Variants in ITPRID2 observed in about 807,000 individuals in gnomAD.
The protein encoded by ITPRID2 is ITPR interacting domain containing 2.
Under a neutral mutation model 124.3 loss-of-function variants are expected in ITPRID2, and 60 were observed. The observed-to-expected ratio is 0.48, with a 90% CI of 0.39 to 0.60. The LOEUF (loss-of-function observed/expected upper bound fraction) is 0.60. ITPRID2 is among the 20% of genes least tolerant of loss of function. The pLI is 0.00. For missense variants in ITPRID2, 1,553 were observed against 1,512.2 expected, an observed-to-expected ratio of 1.03 and a Z score of -0.45; for synonymous variants, 521 against 542.9, an observed-to-expected ratio of 0.96 and a Z score of 0.56.
intron 11 of ITPRID2, 112 bp downstream of exon 11, chr2:181,916,539 C>G (rs938809275): frequency 7.6e-7 from 1 of 1,317,980 alleles, no homozygotes; most frequent in Non-Finnish European, 1.0e-6. Context: ...GCTTTATTTT[C>G]TGACATGTCT....
In ITPRID2 at chr2:181,910,531, G is replaced by GCAA. The variant is rs780786298; in HGVS notation, c.1486+576_1486+578dup. 3.7e-5 allele frequency: 24 copies of GCAA among 654,368 alleles called. No homozygotes were observed. The highest frequency in any genetic ancestry group is 1.1e-4 in the Admixed American group (4 of 36,390). The allele number at this position is 654,368 out of a possible 1,614,324, so 40.5% of individuals were successfully genotyped here. ...AATCCATCCCTTTCACTTTTAACTTGCAACAACAACAACAACAAAAATGTG... is the reference window on the plus strand; with the variant it reads ...AATCCATCCCTTTCACTTTTAACTTGCAACAACAACAACAACAACAAAAATGTG... On this transcript the variant is annotated intron_variant, in intron 9 of 17. Coordinates refer to ENST00000431877, the MANE Select transcript of ITPRID2 (RefSeq NM_001130445.3). The surrounding 1 kb of genome is among the most constrained non-coding windows in gnomAD (Gnocchi z 4.1).
rs554803952 is a variant in ITPRID2, at chr2:181,929,331, A to G, written c.*14-230A>G. ...AAGTATAATATACAATTTCAGATAT[A>G]GGAAATTGGAAAGTATTTTAATAAA... On this transcript the variant is annotated intron_variant, in intron 17 of 17. Coordinates refer to ENST00000431877, the MANE Select transcript of ITPRID2 (RefSeq NM_001130445.3). 8.5e-5 allele frequency among the ~76,000 whole-genome samples: 13 copies of G among 152,244 alleles called. No individual in the cohort carries two copies. The South Asian group carries it at 2.7e-3, about 32-fold the overall frequency.
At position 181,910,633 on chromosome 2, in the gene ITPRID2, G is replaced by A; in HGVS notation, c.1486+662G>A. 1 of 693,544 alleles carries A rather than the reference G, an allele frequency of 1.4e-6. No homozygotes were observed. The highest frequency in any genetic ancestry group is 2.7e-6 in the Non-Finnish European group (1 of 375,596). The allele number at this position is 693,544 out of a possible 1,614,324, so 43.0% of individuals were successfully genotyped here. A position where few individuals can be genotyped will look rare whatever the true frequency, so the allele number is the denominator to read the frequency against. ...GAAGTGAAAATGACCACTGAAGGTA[G>A]GACTGTTTATTTTTGAAACTTTACA... On this transcript the variant is annotated intron_variant, in intron 9 of 17. Coordinates refer to ENST00000431877, the MANE Select transcript of ITPRID2 (RefSeq NM_001130445.3). The surrounding 1 kb of genome is among the most constrained non-coding windows in gnomAD (Gnocchi z 4.1).
chr2:181,928,627 T>TC (rs1241631010), intron 17 of ITPRID2, among the ~76,000 whole-genome samples: 1 of 151,578 alleles, frequency 6.6e-6, no homozygotes, highest in Non-Finnish European at 1.5e-5. Context: ...AATCACAACT[T>TC]CCTTTTTTTT....
At chr2:181,911,234 G>GTAAGC (rs1160315640) in intron 9 of ITPRID2, among the ~76,000 whole-genome samples, 1 of 152,164 alleles carries the variant, frequency 6.6e-6, no homozygotes, top group African/African-American at 2.4e-5. Flanking sequence ...TATATCCTAT[G>GTAAGC]TAAGTATCTT....
Position 181,929,504 on chromosome 2 carries a change from C to G in ITPRID2, c.*14-57C>G, listed in dbSNP as rs953686257. Reference sequence around the variant, plus strand: ...AAATTCTCATCTTCCTTTAAAGAAGCTTTTAATAACAGTATTTGAAAGAGG... The same window carrying G: ...AAATTCTCATCTTCCTTTAAAGAAGGTTTTAATAACAGTATTTGAAAGAGG... On this transcript the variant is annotated intron_variant, in intron 17 of 17. Coordinates refer to ENST00000431877, the MANE Select transcript of ITPRID2 (RefSeq NM_001130445.3). 11 of 1,197,448 alleles carry G rather than the reference C, an allele frequency of 9.2e-6. No homozygotes were observed. The South Asian group carries it at 1.4e-4, about 15-fold the overall frequency. The allele number at this position is 1,197,448 out of a possible 1,614,324, so 74.2% of individuals were successfully genotyped here.
chr2:181,925,865 A>G (rs1473410191), intron 16 of ITPRID2, among the ~76,000 whole-genome samples: 1 of 152,252 alleles, frequency 6.6e-6, no homozygotes. Flanking sequence ...TTGTTGTGAC[A>G]TACCATGTAA....
intron 5 of ITPRID2, 41 bp downstream of exon 5, chr2:181,898,960 A>C (rs1375517753): frequency 3.1e-6 from 5 of 1,594,614 alleles, no homozygotes; most frequent in South Asian, 1.1e-5. Context: ...AAAAATGAAG[A>C]CCTTTAATGA....
chr2:181,902,076 A>G lies in ITPRID2; in HGVS notation c.1023A>G (p.Gln341=), dbSNP rs1008428812. ...VIEESGNKND[Q]KSQKIMKKKE... is the part of the protein sequence containing the mutation. ...AAGAAAGTGGCAATAAAAACGATCAAAAGTCTCAAAAAATTATGAAGAAGA... is the reference window on the plus strand; with the variant it reads ...AAGAAAGTGGCAATAAAAACGATCAGAAGTCTCAAAAAATTATGAAGAAGA... The change falls in exon 8 of 18, where the codon CAA becomes CAG. Residue 341 remains glutamine (Q), a synonymous_variant. Coordinates refer to ENST00000431877, the MANE Select transcript of ITPRID2 (RefSeq NM_001130445.3). This position sits in a 1 kb window ranked among gnomAD's most constrained non-coding sequence, Gnocchi z 4.4. The G allele has an allele frequency of 1.2e-6, 2 of 1,610,886 alleles. No homozygotes were observed. Among genetic ancestry groups the G allele is most frequent in the South Asian group, 1.1e-5 (1 of 90,140 alleles).
At position 181,892,490 on chromosome 2, in the gene ITPRID2, C is replaced by A; in HGVS notation, c.212-125C>A. 1 of 1,293,496 alleles carries A rather than the reference C, an allele frequency of 7.7e-7. No homozygotes were observed. The highest frequency in any genetic ancestry group is 1.1e-6 in the Non-Finnish European group (1 of 902,200). 80.1% of individuals were successfully genotyped at this position (1,293,496 alleles called of 1,614,324 possible). ...GCCATCCGATTTCCCTGCCAAGGGACACTGAGACGTGTCGCTTAGGCTGCA... is the reference window on the plus strand; with the variant it reads ...GCCATCCGATTTCCCTGCCAAGGGAAACTGAGACGTGTCGCTTAGGCTGCA... On this transcript the variant is annotated intron_variant, in intron 1 of 17. Transcript: ENST00000431877. This position sits in a 1 kb window ranked among gnomAD's most constrained non-coding sequence, Gnocchi z 5.2.
At chr2:181,918,410 C>T in intron 11 of ITPRID2, 188 bp from the exon 12 acceptor site, 1 of 1,371,924 alleles carries the variant, frequency 7.3e-7, no homozygotes, top group South Asian at 2.0e-5. Context: ...ATACCTGGAA[C>T]AGCTAGCAGT....
In ITPRID2 at chr2:181,915,444, A is replaced by G; in HGVS notation, c.1804A>G (p.Ile602Val). 1.2e-6 allele frequency: 2 copies of G among 1,614,154 alleles called. No homozygotes were observed. Among genetic ancestry groups the G allele is most frequent in the Non-Finnish European group, 1.7e-6 (2 of 1,180,026 alleles). Residue 602 changes from isoleucine (I) to valine (V), a missense_variant, in exon 11 of 18, where the codon ATT (isoleucine) becomes GTT (valine). Physicochemically the swap from Ile to Val is conservative, Grantham distance 29 (BLOSUM62 3). Transcript: ENST00000431877. ...GSQDFPQCNT[I>V]ENTGTKQSTC... ...CCAGGATTTCCCTCAGTGCAACACCATTGAGAATACAGGAACTAAACAGTC... is the reference window on the plus strand; with the variant it reads ...CCAGGATTTCCCTCAGTGCAACACCGTTGAGAATACAGGAACTAAACAGTC...
At chr2:181,927,740 C>G (rs1268207534) in intron 16 of ITPRID2, among the ~76,000 whole-genome samples, 1 of 152,174 alleles carries the variant, frequency 6.6e-6, no homozygotes, top group African/African-American at 2.4e-5. Context: ...TACCTGTATA[C>G]TATTTTGCCT....
rs751930387 is a variant in ITPRID2 at position 181,916,074 on chromosome 2, G to GC, written c.2440dup (p.Gln814ProfsTer3). 6 of 1,614,128 alleles carry GC rather than the reference G, an allele frequency of 3.7e-6. No homozygotes were observed. Among genetic ancestry groups the GC allele is most frequent in the South Asian group, 1.1e-5 (1 of 91,072 alleles). On this transcript the variant is annotated frameshift_variant, in exon 11 of 18. Transcript: ENST00000431877. LOFTEE classifies it high-confidence loss of function. ...TCCATCATCTGTGAAGAAAGAAGAA[G>GC]CCCCCCAGAGTGAGGCGCCGCGGGT...
At position 181,929,134 on chromosome 2, in the gene ITPRID2, G is replaced by A. The variant is rs1314254020; in HGVS notation, c.*14-427G>A. ...GATGGGGTCTTGCTATGTTGCCCAC[G>A]CTAGTCTTAAACTCCTAGCCTCAAG... On this transcript the variant is annotated intron_variant, in intron 17 of 17. Coordinates refer to ENST00000431877, the MANE Select transcript of ITPRID2 (RefSeq NM_001130445.3). Among the ~76,000 whole-genome samples, 8 of 151,324 alleles carry A rather than the reference G, an allele frequency of 5.3e-5. No homozygotes were observed. In the East Asian group the frequency reaches 7.7e-4, roughly 15 times the overall value.
intron 7 of ITPRID2, 37 bp from the exon 8 acceptor site, chr2:181,901,729 A>C (rs945843747): frequency 5.8e-6 from 8 of 1,382,900 alleles, no homozygotes; most frequent in Admixed American, 2.3e-5. Flanking sequence ...TATATATATA[A>C]ATATAAACAT....
chr2:181,902,124 T>C lies in ITPRID2; in HGVS notation c.1071T>C (p.Ala357=), dbSNP rs144329270. ...MKKKESSSML[A]TVKEEVSGSS... is the part of the protein sequence containing the mutation. ...AGAAAGAGTCATCTTCTATGTTGGCTACAGTTAAAGAAGAAGTCTCTGGTA... is the reference window on the plus strand; with the variant it reads ...AGAAAGAGTCATCTTCTATGTTGGCCACAGTTAAAGAAGAAGTCTCTGGTA... The change falls in exon 8 of 18, where the codon GCT becomes GCC. Residue 357 remains alanine, a synonymous_variant. Transcript: ENST00000431877. This position sits in a 1 kb window ranked among gnomAD's most constrained non-coding sequence, Gnocchi z 4.4. The C allele has an allele frequency of 5.6e-5, 91 of 1,613,100 alleles. No homozygotes were observed. Among genetic ancestry groups the C allele is most frequent in the Middle Eastern group, 3.3e-4 (2 of 6,082 alleles).
At chr2:181,920,515 A>G in intron 14 of ITPRID2, 82 bp from the exon 15 acceptor site, 1 of 1,007,664 alleles carries the variant, frequency 9.9e-7, no homozygotes, top group Non-Finnish European at 1.4e-6. Context: ...TTGAAAAAAT[A>G]TATATGTACA....
intron 13 of ITPRID2, 30 bp downstream of exon 13, chr2:181,918,912 CA>C (rs1179138604): frequency 6.2e-7 from 1 of 1,600,326 alleles, no homozygotes; most frequent in South Asian, 1.1e-5. Context: ...TAGCACACCT[CA>C]AAAAGCTTTT....
Sources: gnomAD v4.1 joint callset for allele counts (sites outside exome capture counted in the v4.1 genomes callset) on GRCh38, gnomAD v4.1.1 for gene constraint, Gnocchi (gnomAD v3.1) non-coding constraint, MANE v1.5 for transcripts, NCBI Gene and HGNC (gene_info 2026-07-23, HGNC 2026-07-21) for gene names.